TBL1X: variants seen among roughly 807,000 people sequenced by gnomAD.
The protein encoded by TBL1X is transducin beta like 1 X-linked, also known as F-box-like/WD repeat-containing protein TBL1X.
A neutral mutation model predicts 50.7 loss-of-function variants in TBL1X; 10 were observed. That is an observed-to-expected ratio of 0.20 (90% CI 0.12 to 0.33). The LOEUF (loss-of-function observed/expected upper bound fraction) is 0.33. TBL1X is among the 10% of genes least tolerant of loss of function. TBL1X has a pLI of 1.00. For synonymous variants in TBL1X, 190 were observed against 214.7 expected (o/e 0.88, Z 1.01); for missense variants, 340 against 504.4 (o/e 0.67, Z 3.12).
intron 1 of TBL1X, among the ~76,000 whole-genome samples, chrX:9,477,186 GTC>G (rs1253570056): frequency 8.9e-6 from 1 of 111,989 alleles, no homozygotes; most frequent in Non-Finnish European, 1.9e-5. Context: ...TCTAATATGT[GTC>G]TGGCACAACA....
chrX:9,466,246 G>T (rs1325785419), intron 1 of TBL1X, among the ~76,000 whole-genome samples: 1 of 112,660 alleles, frequency 8.9e-6, no homozygotes, highest in Admixed American at 9.3e-5. Context: ...CTAACGATGG[G>T]ACCGGTGCTC....
Position 9,609,339 on chromosome X carries a change from GTGT to G in TBL1X, c.-130-30933_-130-30931del, listed in dbSNP as rs1569074364. ...TTTGGTGGTGTGTTTTCTTCCAGGT[GTGT>G]GTGTGTGTGTGTGTGTGTGTGTGTG... On this transcript the variant is annotated intron_variant, in intron 2 of 17. Coordinates refer to ENST00000645353, the MANE Select transcript of TBL1X (RefSeq NM_005647.4). Among the ~76,000 whole-genome samples, 24 of 99,916 alleles carry G rather than the reference GTGT, an allele frequency of 2.4e-4. 1 individual carries two copies. Among genetic ancestry groups the G allele is most frequent in the East Asian group, 9.4e-4 (3 of 3,195 alleles). The allele number at this position is 99,916 out of a possible 115,157, so 86.8% of individuals were successfully genotyped here.
At chrX:9,540,938 T>A (rs2082211345) in intron 2 of TBL1X, among the ~76,000 whole-genome samples, 1 of 111,892 alleles carries the variant, frequency 8.9e-6, no homozygotes, top group Admixed American at 9.5e-5. Flanking sequence ...CGCATTCATA[T>A]TACCCCAGTT....
At chrX:9,472,737 C>T in intron 1 of TBL1X, among the ~76,000 whole-genome samples, 1 of 110,022 alleles carries the variant, frequency 9.1e-6, no homozygotes, top group East Asian at 2.8e-4. Context: ...CACGGTGAAA[C>T]CCCGTCTCTA....
intron 2 of TBL1X, among the ~76,000 whole-genome samples, chrX:9,603,914 C>T (rs2082569233): frequency 9.0e-6 from 1 of 111,209 alleles, no homozygotes; most frequent in Non-Finnish European, 1.9e-5. Flanking sequence ...ACATGGCCTC[C>T]CTGGGTGTCT....
At chrX:9,540,928 C>T (rs966001691) in intron 2 of TBL1X, among the ~76,000 whole-genome samples, 78 of 111,513 alleles carry the variant, frequency 7.0e-4, no homozygotes, top group Non-Finnish European at 5.5e-4. Flanking sequence ...AGAAGGATGC[C>T]GCATTCATAT....
intron 13 of TBL1X, among the ~76,000 whole-genome samples, chrX:9,705,723 T>A (rs1202783608): frequency 6.4e-5 from 5 of 78,232 alleles, no homozygotes; most frequent in Admixed American, 1.5e-4. Flanking sequence ...CTTGTCTCTT[T>A]AAAAAAAAAA....
At chrX:9,696,045 G>A (rs1044496165) in intron 11 of TBL1X, among the ~76,000 whole-genome samples, 3 of 112,451 alleles carry the variant, frequency 2.7e-5, no homozygotes, top group African/African-American at 9.7e-5. Flanking sequence ...GGATGCTGGT[G>A]TTGACCAACA....
chrX:9,563,597 C>T (rs953094645), intron 2 of TBL1X, among the ~76,000 whole-genome samples: 2 of 112,395 alleles, frequency 1.8e-5, no homozygotes, highest in African/African-American at 6.5e-5. Context: ...TGGTAGCCAC[C>T]AGCTGTACAT....
At chrX:9,597,255 G>A (rs1294848638) in intron 2 of TBL1X, among the ~76,000 whole-genome samples, 4 of 111,648 alleles carry the variant, frequency 3.6e-5, no homozygotes, top group African/African-American at 1.3e-4. Flanking sequence ...GTAGAGAAAA[G>A]ATCAAATGTT....
intron 5 of TBL1X, among the ~76,000 whole-genome samples, chrX:9,669,110 C>A (rs1373936955): frequency 8.9e-6 from 1 of 111,764 alleles, no homozygotes; most frequent in Non-Finnish European, 1.9e-5. Flanking sequence ...ACACTGAATT[C>A]TTTGTGGGCT....
rs2083293540 is a variant in TBL1X, at chrX:9,718,831, AC to A, written c.*2589del. Reference sequence around the variant, plus strand: ...AGAAACCTGGGCTGGGAGGCCTCGGACCCCAGGCTCCATCCCTGGCTTCCCC... The same window carrying A: ...AGAAACCTGGGCTGGGAGGCCTCGGACCCAGGCTCCATCCCTGGCTTCCCC... On this transcript the variant is annotated 3_prime_UTR_variant, in exon 18 of 18. Coordinates refer to ENST00000645353, the MANE Select transcript of TBL1X (RefSeq NM_005647.4). 9.0e-6 allele frequency: 1 copy of A among 111,683 alleles called. No individual in the cohort carries two copies. The highest frequency in any genetic ancestry group is 1.9e-5 in the Non-Finnish European group (1 of 53,098). 9.2% of individuals were successfully genotyped at this position (111,683 alleles called of 1,213,427 possible).
At chrX:9,503,013 G>T (rs2082008915) in intron 2 of TBL1X, among the ~76,000 whole-genome samples, 1 of 112,844 alleles carries the variant, frequency 8.9e-6, no homozygotes, top group Non-Finnish European at 1.9e-5. Flanking sequence ...ATTTTATGGA[G>T]GGCGGGGCCA....
chrX:9,599,030 G>A (rs1423060788), intron 2 of TBL1X, among the ~76,000 whole-genome samples: 2 of 108,132 alleles, frequency 1.8e-5, no homozygotes, highest in African/African-American at 6.7e-5. Context: ...TGCAACCCCC[G>A]CCTCCTGGGT....
At chrX:9,681,929 G>A (rs1489352624) in intron 5 of TBL1X, among the ~76,000 whole-genome samples, 1 of 112,646 alleles carries the variant, frequency 8.9e-6, no homozygotes, top group East Asian at 2.8e-4. Context: ...TTTAGTAGGA[G>A]CCACGTGAGT....
chrX:9,708,483 G>C (rs1428903907), intron 13 of TBL1X, among the ~76,000 whole-genome samples: 1 of 111,818 alleles, frequency 8.9e-6, no homozygotes, highest in Admixed American at 9.5e-5. Flanking sequence ...CTCCGTAATA[G>C]GTGAGGGTTC....
chrX:9,607,058 C>T (rs768700315), intron 2 of TBL1X, among the ~76,000 whole-genome samples: 12 of 112,529 alleles, frequency 1.1e-4, no homozygotes, highest in African/African-American at 1.9e-4. Context: ...GATTTCAGCC[C>T]CTTTGTTGCT....
At chrX:9,658,056 G>T (rs1182675649) in intron 5 of TBL1X, among the ~76,000 whole-genome samples, 2 of 111,301 alleles carry the variant, frequency 1.8e-5, no homozygotes, top group Non-Finnish European at 3.8e-5. Flanking sequence ...CCTGATGGTT[G>T]TATAAAGGGG....
intron 2 of TBL1X, among the ~76,000 whole-genome samples, chrX:9,537,835 A>G (rs1450539987): frequency 8.9e-6 from 1 of 111,987 alleles, no homozygotes; most frequent in Non-Finnish European, 1.9e-5. Context: ...TGGCTGCTGT[A>G]TTAGACAGGA....
Sources: gnomAD v4.1 joint callset for allele counts (sites outside exome capture counted in the v4.1 genomes callset) on GRCh38, gnomAD v4.1.1 for gene constraint, MANE v1.5 for transcripts, NCBI Gene and HGNC (gene_info 2026-07-23, HGNC 2026-07-21) for gene names.